The following ZNF469 variants were observed in gnomAD, a reference collection of about 807,000 sequenced individuals.
The protein encoded by ZNF469 is zinc finger protein 469.
In ZNF469, 1 loss-of-function variant was observed where a neutral mutation model predicts 1.0. The ratio of observed to expected loss-of-function variants is 1.00; its 90% CI spans 0.35 to 4.73. ZNF469 has a LOEUF of 4.73. ZNF469 is among the 30% of genes most tolerant of loss of function. The pLI is 0.16. For synonymous variants in ZNF469, 2,703 were observed against 2,363.4 expected (o/e 1.14, Z -4.17); for missense variants, 6,100 against 5,356.3 (o/e 1.14, Z -4.33).
In ZNF469 at chr16:88,398,583, CAT is replaced by C. The variant is rs1385388677; in HGVS notation, c.-192+15330_-192+15331del. On this transcript the variant is annotated intron_variant, in intron 1 of 2. Coordinates refer to ENST00000565624, the MANE Select transcript of ZNF469 (RefSeq NM_001367624.2). ...AATGCGCGAGCCACAGACAAAGGGA[CAT>C]GTGCCACAGATGAAGGGGGCATGTG... 4.2e-5 allele frequency among the ~76,000 whole-genome samples: 6 copies of C among 141,202 alleles called. No homozygotes were observed. In the East Asian group the frequency reaches 8.4e-4, roughly 20 times the overall value. The allele number at this position is 141,202 out of a possible 152,430, so 92.6% of individuals were successfully genotyped here. A position where few individuals can be genotyped will look rare whatever the true frequency, so the allele number is the denominator to read the frequency against.
chr16:88,264,614 C>T, the ZNF469 span, among the ~76,000 whole-genome samples: 10 of 151,602 alleles, frequency 6.6e-5, no homozygotes, highest in African/African-American at 2.4e-4. Context: ...CATCTTCCTC[C>T]CACATCCCCC....
At chr16:88,388,206 G>GGGGGCATA in intron 1 of ZNF469, among the ~76,000 whole-genome samples, 2 of 152,250 alleles carry the variant, frequency 1.3e-5, no homozygotes, top group African/African-American at 4.8e-5. Flanking sequence ...GCTGTGCCCA[G>GGGGGCATA]GGCTGCTCCT....
chr16:88,368,780 T>C, the ZNF469 span, among the ~76,000 whole-genome samples: 1 of 152,118 alleles, frequency 6.6e-6, no homozygotes, highest in African/African-American at 2.4e-5. Context: ...ACCAGCTCAC[T>C]GAGCTCCTTG....
the ZNF469 span, among the ~76,000 whole-genome samples, chr16:88,101,991 C>T: frequency 6.6e-6 from 1 of 152,078 alleles, no homozygotes; most frequent in Non-Finnish European, 1.5e-5. Flanking sequence ...GGGACTTAAG[C>T]GACGGAACAG....
chr16:88,164,945 G>A, the ZNF469 span, among the ~76,000 whole-genome samples: 1 of 152,228 alleles, frequency 6.6e-6, no homozygotes, highest in African/African-American at 2.4e-5. Flanking sequence ...AGTAGGTGGT[G>A]TGCCCCGCCA....
chr16:88,308,078 C>T, the ZNF469 span, among the ~76,000 whole-genome samples: 1 of 152,234 alleles, frequency 6.6e-6, no homozygotes, highest in East Asian at 1.9e-4. Flanking sequence ...CCAATACCAT[C>T]TGTTGCAAAA....
the ZNF469 span, among the ~76,000 whole-genome samples, chr16:88,135,829 C>T: frequency 7.2e-6 from 1 of 138,824 alleles, no homozygotes; most frequent in Non-Finnish European, 1.5e-5. Context: ...GGTTTGATCT[C>T]GGCTCACTGC....
the ZNF469 span, among the ~76,000 whole-genome samples, chr16:88,226,503 C>T: frequency 6.6e-6 from 1 of 152,130 alleles, no homozygotes; most frequent in East Asian, 1.9e-4. Flanking sequence ...CTGCCCTCAC[C>T]TTGATGTTGG....
chr16:88,249,542 T>C, the ZNF469 span, among the ~76,000 whole-genome samples: 1 of 143,112 alleles, frequency 7.0e-6, no homozygotes, highest in Non-Finnish European at 1.5e-5. Flanking sequence ...GTTCACACCA[T>C]TCTCCTGCCT....
At chr16:88,157,918 G>A in the ZNF469 span, among the ~76,000 whole-genome samples, 6 of 152,050 alleles carry the variant, frequency 3.9e-5, no homozygotes, top group Admixed American at 6.5e-5. Context: ...GGGGTTCACG[G>A]GCCCCTCATC....
the ZNF469 span, among the ~76,000 whole-genome samples, chr16:88,200,436 C>T: frequency 6.6e-6 from 1 of 152,354 alleles, no homozygotes; most frequent in African/African-American, 2.4e-5. Context: ...AGGGACCGCA[C>T]CTGCCCCGTG....
At chr16:88,244,585 A>G in the ZNF469 span, among the ~76,000 whole-genome samples, 38 of 151,548 alleles carry the variant, frequency 2.5e-4, no homozygotes, top group East Asian at 7.0e-3. Context: ...GGATGGATGG[A>G]TGGATGGATG....
the ZNF469 span, among the ~76,000 whole-genome samples, chr16:88,311,478 G>A: frequency 6.6e-6 from 1 of 152,206 alleles, no homozygotes; most frequent in Non-Finnish European, 1.5e-5. Context: ...TATTTACCCT[G>A]ATTGGAGAAG....
the ZNF469 span, among the ~76,000 whole-genome samples, chr16:88,221,697 C>A: frequency 6.6e-6 from 1 of 152,226 alleles, no homozygotes; most frequent in Non-Finnish European, 1.5e-5. Context: ...CTTCAAACAA[C>A]AGAAATGCAT....
At chr16:88,219,240 C>A in the ZNF469 span, among the ~76,000 whole-genome samples, 1 of 150,606 alleles carries the variant, frequency 6.6e-6, no homozygotes, top group Non-Finnish European at 1.5e-5. Flanking sequence ...GCTACCAATG[C>A]CTTTCCTCAC....
chr16:88,336,110 G>A, the ZNF469 span, among the ~76,000 whole-genome samples: 1 of 151,130 alleles, frequency 6.6e-6, no homozygotes, highest in East Asian at 1.9e-4. Context: ...CTTCACGTGA[G>A]ACACTAACAT....
the ZNF469 span, among the ~76,000 whole-genome samples, chr16:88,196,852 G>A: frequency 1.3e-5 from 2 of 152,324 alleles, no homozygotes; most frequent in East Asian, 1.9e-4. Flanking sequence ...TTCTGAGAGT[G>A]CACACACCTC....
In ZNF469 at chr16:88,436,887, C is replaced by T. The variant is rs747613949; in HGVS notation, c.9417C>T (p.Pro3139=). 21 of 1,505,628 alleles carry T rather than the reference C, an allele frequency of 1.4e-5. No homozygotes were observed. Among genetic ancestry groups the T allele is most frequent in the South Asian group, 7.5e-5 (6 of 79,754 alleles). 93.3% of individuals were successfully genotyped at this position (1,505,628 alleles called of 1,614,324 possible). ...ACCTGCACAAGCTGGCCCACACGCC[C>T]GCGCCGCCGCCCACCTGCTACATGT... The part of the protein sequence containing the change: ...ELDLHKLAHT[P]APPPTCYMCV... The change falls in exon 3 of 3, where the codon CCC becomes CCT. Residue 3139 remains proline, a synonymous_variant. Transcript: ENST00000565624.
upstream of ZNF469, among the ~76,000 whole-genome samples, chr16:88,378,894 G>T (rs1483757951): frequency 1.3e-5 from 2 of 152,230 alleles, no homozygotes; most frequent in East Asian, 1.9e-4. Flanking sequence ...TCGCTCGGAG[G>T]TCTCCTCTCT....
Sources: gnomAD v4.1 joint callset for allele counts (sites outside exome capture counted in the v4.1 genomes callset) on GRCh38, gnomAD v4.1.1 for gene constraint, MANE v1.5 for transcripts, NCBI Gene and HGNC (gene_info 2026-07-23, HGNC 2026-07-21) for gene names.